Variants in PCDHGB2 observed in about 807,000 individuals in gnomAD.
PCDHGB2 encodes the protein protocadherin gamma subfamily B, 2.
PCDHGB2 carries 55 observed loss-of-function variants against 59.3 expected under a neutral mutation model. That is an observed-to-expected ratio of 0.93 (90% CI 0.75 to 1.16). PCDHGB2 has a LOEUF of 1.16. Among genes scored for constraint, PCDHGB2 ranks in the 50% most tolerant of loss-of-function variants. PCDHGB2 has a pLI of 0.00. For synonymous variants in PCDHGB2, 516 were observed against 512.0 expected (o/e 1.01, Z -0.11); for missense variants, 1,228 against 1,198.5 (o/e 1.02, Z -0.36).
At chr5:141,502,880 T>TTTTTTTTTTG (rs2099816747) in intron 2 of PCDHGB2, among the ~76,000 whole-genome samples, 1 of 151,000 alleles carries the variant, frequency 6.6e-6, no homozygotes, top group African/African-American at 2.4e-5. Context: ...TTTTTTTTTT[T>TTTTTTTTTTG]GACAGGGAGT....
At chr5:141,376,356 C>T in intron 1 of PCDHGB2, 1 of 1,614,228 alleles carries the variant, frequency 6.2e-7, no homozygotes, top group South Asian at 1.1e-5. Flanking sequence ...CACGAGGTCT[C>T]ACTCACTGCA....
chr5:141,506,061 G>A (rs1260513343), intron 3 of PCDHGB2, among the ~76,000 whole-genome samples: 2 of 152,144 alleles, frequency 1.3e-5, no homozygotes, highest in Non-Finnish European at 2.9e-5. Flanking sequence ...GGTTGACTAA[G>A]GGCTTCCTTT....
rs781651287 is a variant in PCDHGB2, at chr5:141,505,380, A to G, written c.2481-13A>G. ...CCTGGGAGTCTGTGCTCACCATCCT[A>G]CTCTCTCCCCAGCTCCCAAAATGGC... On this transcript the variant is annotated splice_polypyrimidine_tract_variant and intron_variant, in intron 2 of 3. Transcript: ENST00000522605. The G allele has an allele frequency of 4.3e-6, 7 of 1,613,362 alleles. No homozygotes were observed. The African/African-American group carries it at 5.4e-5, about 12-fold the overall frequency.
At chr5:141,370,775 C>A in intron 1 of PCDHGB2, 5 of 1,613,966 alleles carry the variant, frequency 3.1e-6, no homozygotes, top group Non-Finnish European at 4.2e-6. Context: ...AGGATATTAA[C>A]GACAACCCAC....
intron 1 of PCDHGB2, among the ~76,000 whole-genome samples, chr5:141,454,796 A>ATTTTTTTTTTTTTTTTTTTTTT (rs61612330): frequency 5.2e-5 from 4 of 77,456 alleles, no homozygotes; most frequent in Non-Finnish European, 7.0e-5. Context: ...CATGGTTCTA[A>ATTTTTTTTTTTTTTTTTTTTTT]TTTTTTTTTT....
chr5:141,381,798 C>CTCTTTCTTTCTTTCTTTCTT (rs372235829), intron 1 of PCDHGB2, among the ~76,000 whole-genome samples: 32 of 144,170 alleles, frequency 2.2e-4, no homozygotes, highest in African/African-American at 7.7e-4. Flanking sequence ...AGGCAATTCC[C>CTCTTTCTTTCTTTCTTTCTT]TCTTTCTTTC....
Position 141,477,029 on chromosome 5 carries a change from A to G in PCDHGB2, c.2422-17778A>G. 6.2e-7 allele frequency: 1 copy of G among 1,614,238 alleles called. No homozygotes were observed. The highest frequency in any genetic ancestry group is 8.5e-7 in the Non-Finnish European group (1 of 1,180,040). ...CTTAGACCTTGTAACCGGGATGCTG[A>G]CAATCAAGGGTCGGCTGGACTTCGA... On this transcript the variant is annotated intron_variant, in intron 1 of 3. Coordinates refer to ENST00000522605, the MANE Select transcript of PCDHGB2 (RefSeq NM_018923.3). The surrounding 1 kb of genome is among the most constrained non-coding windows in gnomAD (Gnocchi z 4.9).
At chr5:141,510,509 C>G (rs146315792) in intron 3 of PCDHGB2, among the ~76,000 whole-genome samples, 13 of 152,204 alleles carry the variant, frequency 8.5e-5, no homozygotes, top group Non-Finnish European at 1.6e-4. Flanking sequence ...ACTGAGAGCC[C>G]GTGTCACAGC....
chr5:141,364,999 C>T (rs1763663024), intron 1 of PCDHGB2: 4 of 1,613,862 alleles, frequency 2.5e-6, no homozygotes, highest in Non-Finnish European at 2.5e-6. Context: ...CGGTACTCTC[C>T]GGCACCACGC....
chr5:141,422,775 T>G (rs1179216247), intron 1 of PCDHGB2: 1 of 1,614,046 alleles, frequency 6.2e-7, no homozygotes, highest in Non-Finnish European at 8.5e-7. Context: ...GTGTTCTCTA[T>G]GCCCTACAAT....
chr5:141,418,533 C>G, intron 1 of PCDHGB2: 1 of 1,614,032 alleles, frequency 6.2e-7, no homozygotes, highest in Non-Finnish European at 8.5e-7. Flanking sequence ...CGAAGCGGTA[C>G]TGCTCAGATA....
chr5:141,403,762 T>G (rs1217388200), intron 1 of PCDHGB2: 1 of 1,613,854 alleles, frequency 6.2e-7, no homozygotes, highest in Non-Finnish European at 8.5e-7. Flanking sequence ...GCGACCTGGA[T>G]GAGGGAATCA....
intron 1 of PCDHGB2, chr5:141,372,823 A>G (rs1561557860): frequency 6.4e-7 from 1 of 1,564,608 alleles, no homozygotes; most frequent in South Asian, 1.2e-5. Flanking sequence ...AGTTTCTTCA[A>G]ACCTTTCCTT....
intron 1 of PCDHGB2, chr5:141,398,743 A>G: frequency 6.2e-7 from 1 of 1,613,864 alleles, no homozygotes; most frequent in Non-Finnish European, 8.5e-7. Flanking sequence ...GGAACAACAG[A>G]GTTACCATCG....
chr5:141,381,826 C>CTTTTTTTTTTTTTTT (rs770630741), intron 1 of PCDHGB2, among the ~76,000 whole-genome samples: 9 of 74,290 alleles, frequency 1.2e-4, no homozygotes, highest in Middle Eastern at 7.9e-3. Flanking sequence ...CTTTCTTCTT[C>CTTTTTTTTTTTTTTT]TTTTTTTTTT....
At chr5:141,371,865 A>C (rs1048560743) in intron 1 of PCDHGB2, 1 of 1,613,506 alleles carries the variant, frequency 6.2e-7, no homozygotes, top group Middle Eastern at 1.6e-4. Context: ...CTCCTACTAC[A>C]TCGTGGCCAG....
chr5:141,399,612 G>A (rs1191904235), intron 1 of PCDHGB2: 1 of 1,613,812 alleles, frequency 6.2e-7, no homozygotes, highest in African/African-American at 1.3e-5. Flanking sequence ...TAGAGCCTCT[G>A]GCACTGGCCT....
chr5:141,477,265 G>A lies in PCDHGB2; in HGVS notation c.2422-17542G>A. The A allele has an allele frequency of 6.2e-7, 1 of 1,614,198 alleles. No individual in the cohort carries two copies. Among genetic ancestry groups the A allele is most frequent in the African/African-American group, 1.3e-5 (1 of 75,048 alleles). On this transcript the variant is annotated intron_variant, in intron 1 of 3. Transcript: ENST00000522605. The surrounding 1 kb of genome is among the most constrained non-coding windows in gnomAD (Gnocchi z 4.9). ...GTGTGACTGACCTGGATGCTGGCGA[G>A]AACGGGCTGGTGACCTGCGAAGTTC...
At chr5:141,443,131 A>C (rs1042010214) in intron 1 of PCDHGB2, among the ~76,000 whole-genome samples, 2 of 152,144 alleles carry the variant, frequency 1.3e-5, no homozygotes, top group African/African-American at 4.8e-5. Flanking sequence ...GATTAAGAAC[A>C]CTATCATAAG....
Sources: gnomAD v4.1 joint callset for allele counts (sites outside exome capture counted in the v4.1 genomes callset) on GRCh38, gnomAD v4.1.1 for gene constraint, Gnocchi (gnomAD v3.1) non-coding constraint, MANE v1.5 for transcripts, NCBI Gene and HGNC (gene_info 2026-07-23, HGNC 2026-07-21) for gene names.